Variants in FBXO31 observed in about 807,000 individuals in gnomAD.
FBXO31 encodes F-box only protein 31.
In FBXO31, 24 loss-of-function variants were observed where a neutral mutation model predicts 54.4. That is an observed-to-expected ratio of 0.44 (90% CI 0.32 to 0.62). FBXO31 has a LOEUF of 0.62. FBXO31 is among the 20% of genes least tolerant of loss of function. The pLI, the probability that FBXO31 is intolerant of heterozygous loss-of-function variation, is 0.05. For synonymous variants in FBXO31, 388 were observed against 335.6 expected (o/e 1.16, Z -1.71); for missense variants, 665 against 787.1 (o/e 0.84, Z 1.86).
rs538191043 is a variant in FBXO31 at position 87,372,946 on chromosome 16, G to C, written c.340+10459C>G. Among the ~76,000 whole-genome samples the C allele has an allele frequency of 1.6e-3, 239 of 151,180 alleles. 1 individual carries two copies. The highest frequency in any genetic ancestry group is 0.01 in the Middle Eastern group (3 of 288). ...GACGGGGTTTCACCATATTGACCAGGCTGGTCTCGAAATACTGACCTCAGG... is the reference window on the plus strand; with the variant it reads ...GACGGGGTTTCACCATATTGACCAGCCTGGTCTCGAAATACTGACCTCAGG... On this transcript the variant is annotated intron_variant, in intron 1 of 8. Coordinates refer to ENST00000311635, the MANE Select transcript of FBXO31 (RefSeq NM_024735.5).
chr16:87,338,567 C>T lies in FBXO31; in HGVS notation c.733-2303G>A, dbSNP rs532948485. On this transcript the variant is annotated intron_variant, in intron 5 of 8. Transcript: ENST00000311635. The surrounding 1 kb of genome is among the most constrained non-coding windows in gnomAD (Gnocchi z 4.3). ...AAGGCCAGGTCTGGGTGGGCCCGAG[C>T]GTCCCATTTCTCACAAGGACCCACG... 2.6e-5 allele frequency among the ~76,000 whole-genome samples: 4 copies of T among 152,252 alleles called. No homozygotes were observed. The highest frequency in any genetic ancestry group is 4.8e-5 in the African/African-American group (2 of 41,546).
chr16:87,339,155 T>C (rs530672871), intron 5 of FBXO31, among the ~76,000 whole-genome samples: 72 of 152,342 alleles, frequency 4.7e-4, no homozygotes, highest in African/African-American at 1.4e-3. Context: ...AATGGACTAA[T>C]ACAGTGCTGA....
chr16:87,388,352 A>T (rs2150704780), upstream of FBXO31, among the ~76,000 whole-genome samples: 1 of 152,244 alleles, frequency 6.6e-6, no homozygotes, highest in African/African-American at 2.4e-5. Flanking sequence ...TCCTGACCAA[A>T]TCCTTTCTGA....
intron 1 of FBXO31, among the ~76,000 whole-genome samples, chr16:87,368,611 A>C (rs1597375380): frequency 6.7e-6 from 1 of 149,186 alleles, no homozygotes; most frequent in Non-Finnish European, 1.5e-5. Flanking sequence ...AAGTTTCCTT[A>C]CTAATCTATT....
chr16:87,379,325 G>A (rs540127028), intron 1 of FBXO31, among the ~76,000 whole-genome samples: 3 of 152,266 alleles, frequency 2.0e-5, no homozygotes, highest in African/African-American at 7.2e-5. Flanking sequence ...TGCAGAGCTG[G>A]GGGGAGAATA....
chr16:87,335,391 G>C lies in FBXO31; in HGVS notation c.909C>G (p.Gly303=). 1.2e-6 allele frequency: 2 copies of C among 1,613,986 alleles called. No individual in the cohort carries two copies. Among genetic ancestry groups the C allele is most frequent in the Non-Finnish European group, 1.7e-6 (2 of 1,180,006 alleles). Residue 303 remains glycine, a synonymous_variant, in exon 7 of 9, where the codon GGC becomes GGG. Transcript: ENST00000311635. This position sits in a 1 kb window ranked among gnomAD's most constrained non-coding sequence, Gnocchi z 5.7. ...GGCTGCCATAGGTACCTTTGAAGAG[G>C]CCAGGCTTGATGAGGTCGTCGGGGC... ...PSRPDDLIKP[G]LFKGTYGSHG...
chr16:87,348,732 T>A (rs1905509274), intron 2 of FBXO31, among the ~76,000 whole-genome samples: 1 of 152,292 alleles, frequency 6.6e-6, no homozygotes, highest in Non-Finnish European at 1.5e-5. Context: ...AGCCATCATA[T>A]GAGGGCTGCC....
chr16:87,362,164 C>A (rs530267951), intron 1 of FBXO31, among the ~76,000 whole-genome samples: 2 of 152,300 alleles, frequency 1.3e-5, no homozygotes, highest in African/African-American at 2.4e-5. Flanking sequence ...GGAAACACAA[C>A]GTGAGCCACA....
At chr16:87,374,665 G>A (rs966376856) in intron 1 of FBXO31, among the ~76,000 whole-genome samples, 3 of 152,174 alleles carry the variant, frequency 2.0e-5, no homozygotes, top group East Asian at 1.9e-4. Flanking sequence ...TACCATTCAC[G>A]GAGAAAACGG....
chr16:87,383,818 A>G, upstream of FBXO31: 1 of 1,049,422 alleles, frequency 9.5e-7, no homozygotes. The surrounding 1 kb of genome is among the most constrained non-coding windows in gnomAD (Gnocchi z 4.9). Context: ...GCGCCGAGCC[A>G]CGCCCCCGCC....
At chr16:87,367,710 T>C (rs1906428038) in intron 1 of FBXO31, 1 of 152,168 alleles carries the variant, frequency 6.6e-6, no homozygotes, top group Admixed American at 6.5e-5. Context: ...CTGACGCATT[T>C]TCGTAGTTGC....
chr16:87,334,895 TCA>T (rs67233514), intron 7 of FBXO31, among the ~76,000 whole-genome samples: 2,152 of 152,260 alleles, frequency 0.014, 19 homozygotes, highest in Non-Finnish European at 0.022. Context: ...CTGCTGAAGC[TCA>T]GACAGGGTGG....
At chr16:87,357,747 A>G (rs1009423872) in intron 2 of FBXO31, among the ~76,000 whole-genome samples, 4 of 152,182 alleles carry the variant, frequency 2.6e-5, no homozygotes, top group Admixed American at 6.5e-5. Context: ...CCTGGCCAAC[A>G]TGATGAAACC....
At chr16:87,332,226 G>A (rs1213245397) in intron 8 of FBXO31, among the ~76,000 whole-genome samples, 1 of 152,220 alleles carries the variant, frequency 6.6e-6, no homozygotes, top group Non-Finnish European at 1.5e-5. Context: ...GGCAGGTGCA[G>A]CCATCGGCAC....
At chr16:87,387,635 G>A (rs913205953), upstream of FBXO31, among the ~76,000 whole-genome samples, 6 of 152,126 alleles carry the variant, frequency 3.9e-5, no homozygotes, top group Non-Finnish European at 5.9e-5. Context: ...GTGAAACCCC[G>A]TCTCTACTAA....
chr16:87,345,337 A>G lies in FBXO31; in HGVS notation c.490-1572T>C, dbSNP rs1905338910. On this transcript the variant is annotated intron_variant, in intron 3 of 8. Transcript: ENST00000311635. The surrounding 1 kb of genome is among the most constrained non-coding windows in gnomAD (Gnocchi z 4.9). ...GGAGGGTGCGGGGAGGGCGGGAGGC[A>G]GGGTGGGAGGGAGGGAGGGGAAGAG... 1.8e-4 allele frequency among the ~76,000 whole-genome samples: 1 copy of G among 5,428 alleles called. No individual in the cohort carries two copies. The highest frequency in any genetic ancestry group is 3.5e-4 in the Non-Finnish European group (1 of 2,818). The allele number at this position is 5,428 out of a possible 152,430, so 3.6% of individuals were successfully genotyped here.
rs577184095 is a variant in FBXO31 at position 87,366,921 on chromosome 16, T to C, written c.341-6555A>G. 6.4e-4 allele frequency among the ~76,000 whole-genome samples: 98 copies of C among 152,310 alleles called. No individual in the cohort carries two copies. In the South Asian group the frequency reaches 0.018, roughly 29 times the overall value. ...AGACGGGCGCAAGGGCTCACACTTG[T>C]AATCCCAGCACTTTGGGAGGCCAAG... is the stretch of plus-strand genomic sequence containing the variant. On this transcript the variant is annotated intron_variant, in intron 1 of 8. Coordinates refer to ENST00000311635, the MANE Select transcript of FBXO31 (RefSeq NM_024735.5).
chr16:87,347,936 A>G (rs1417408746), intron 2 of FBXO31, among the ~76,000 whole-genome samples: 1 of 152,190 alleles, frequency 6.6e-6, no homozygotes, highest in African/African-American at 2.4e-5. Context: ...AACAATGACA[A>G]TGTCACACTC....
chr16:87,349,492 G>A (rs1905543830), intron 2 of FBXO31, among the ~76,000 whole-genome samples: 1 of 152,136 alleles, frequency 6.6e-6, no homozygotes. Flanking sequence ...CAAGGCAGAT[G>A]GATCACGAGG....
Sources: allele counts gnomAD v4.1 joint callset (sites outside exome capture counted in the v4.1 genomes callset), GRCh38; gene constraint gnomAD v4.1.1; non-coding constraint Gnocchi (gnomAD v3.1); transcripts MANE v1.5; gene names NCBI Gene and HGNC (gene_info 2026-07-23, HGNC 2026-07-21).